The following CDIPT variants were observed in gnomAD, a reference collection of about 807,000 sequenced individuals.
The protein encoded by CDIPT is CDP-diacylglycerol--inositol 3-phosphatidyltransferase.
A neutral mutation model predicts 21.6 loss-of-function variants in CDIPT; 17 were observed. The observed-to-expected ratio is 0.79, with a 90% CI of 0.54 to 1.18. The LOEUF (loss-of-function observed/expected upper bound fraction) is 1.18, where lower values mean the gene tolerates loss of function less well. Among genes scored for constraint, CDIPT ranks in the 50% most tolerant of loss-of-function variants. CDIPT has a pLI of 0.00. For missense variants in CDIPT, 254 were observed against 284.9 expected, an observed-to-expected ratio of 0.89 and a Z score of 0.78; for synonymous variants, 119 against 117.9, an observed-to-expected ratio of 1.01 and a Z score of -0.06.
At chr16:29,861,774 C>T in intron 2 of CDIPT, 1 of 412,412 alleles carries the variant, frequency 2.4e-6, no homozygotes, top group South Asian at 2.7e-5. Flanking sequence ...TGCTCTGTCG[C>T]CCAGGCTGGA....
chr16:29,862,510 T>A lies in CDIPT; in HGVS notation c.178+76A>T. The A allele has an allele frequency of 6.9e-7, 1 of 1,449,772 alleles. No homozygotes were observed. The highest frequency in any genetic ancestry group is 9.4e-7 in the Non-Finnish European group (1 of 1,059,912). The allele number at this position is 1,449,772 out of a possible 1,614,324, so 89.8% of individuals were successfully genotyped here. A position where few individuals can be genotyped will look rare whatever the true frequency, so the allele number is the denominator to read the frequency against. On this transcript the variant is annotated intron_variant, in intron 2 of 5. Coordinates refer to ENST00000219789, the MANE Select transcript of CDIPT (RefSeq NM_006319.5). The surrounding 1 kb of genome is among the most constrained non-coding windows in gnomAD (Gnocchi z 6.7). Reference sequence around the variant, plus strand: ...GATGGGAATGACAGCCCTCTGACTCTGAGGTCCCGAGGAGGCAGGGGAAGG... The same window carrying A: ...GATGGGAATGACAGCCCTCTGACTCAGAGGTCCCGAGGAGGCAGGGGAAGG...
Position 29,860,569 on chromosome 16 carries a change from G to A in CDIPT, c.414+12C>T. 1 of 1,576,404 alleles carries A rather than the reference G, an allele frequency of 6.3e-7. No homozygotes were observed. The highest frequency in any genetic ancestry group is 8.7e-7 in the Non-Finnish European group (1 of 1,146,060). On this transcript the variant is annotated intron_variant, in intron 4 of 5. Coordinates refer to ENST00000219789, the MANE Select transcript of CDIPT (RefSeq NM_006319.5). The stretch of plus-strand genomic sequence containing the variant: ...AAGAGCCTGAGGGGTGGGGTGTGCA[G>A]GAAATGCTTACCCTCGAGGTGTAGT...
At chr16:29,861,662 G>C (rs2067683840) in intron 2 of CDIPT, 2 of 636,612 alleles carry the variant, frequency 3.1e-6, no homozygotes, top group Non-Finnish European at 5.4e-6. Flanking sequence ...ATGCCTTCTG[G>C]AACCCCAACT....
chr16:29,861,853 C>T (rs2067685767), intron 2 of CDIPT, among the ~76,000 whole-genome samples: 1 of 152,060 alleles, frequency 6.6e-6, no homozygotes, highest in Non-Finnish European at 1.5e-5. Context: ...CCTGCCTTAG[C>T]CTCCCGAGTA....
At position 29,859,435 on chromosome 16, in the gene CDIPT, C is replaced by T; in HGVS notation, c.496+7G>A. The T allele has an allele frequency of 6.2e-7, 1 of 1,611,326 alleles. No homozygotes were observed. The highest frequency in any genetic ancestry group is 8.5e-7 in the Non-Finnish European group (1 of 1,178,066). ...CCCATCCTCCTGCCCAGCCCCTCATCTCCTACCTAAAGGTCCCTCAGAGAA... is the reference window on the plus strand; with the variant it reads ...CCCATCCTCCTGCCCAGCCCCTCATTTCCTACCTAAAGGTCCCTCAGAGAA... On this transcript the variant is annotated splice_region_variant and intron_variant, in intron 5 of 5. Transcript: ENST00000219789. This position sits in a 1 kb window ranked among gnomAD's most constrained non-coding sequence, Gnocchi z 4.5.
At position 29,859,523 on chromosome 16, in the gene CDIPT, G is replaced by A; in HGVS notation, c.415C>T (p.Pro139Ser). ...PVLRIYYTSR[P>S]ALFTLCAGNE... ...CCAGCACACAAGGTGAACAGAGCAG[G>A]CTGCACACACAGCAAACAGGCCACG... Residue 139 changes from proline (P) to serine (S), a missense_variant and splice_region_variant, in exon 5 of 6, where the codon CCT becomes TCT. Pro to Ser is a moderately conservative substitution (Grantham distance 74). Transcript: ENST00000219789. The surrounding 1 kb of genome is among the most constrained non-coding windows in gnomAD (Gnocchi z 4.5). The A allele has an allele frequency of 1.2e-6, 2 of 1,611,460 alleles. No homozygotes were observed. The highest frequency in any genetic ancestry group is 1.7e-6 in the Non-Finnish European group (2 of 1,178,016).
At chr16:29,860,781 C>A in intron 3 of CDIPT, 119 bp from the exon 4 acceptor site, 1 of 691,684 alleles carries the variant, frequency 1.4e-6, no homozygotes. Flanking sequence ...CAGTATCCTG[C>A]CGAAAGCCAC....
chr16:29,861,744 T>TG lies in CDIPT; in HGVS notation c.179-486_179-485insC, dbSNP rs377690673. ...ACACTGTTTTTTGTTTTTTGTTTTTTTTTTTCCGAGACAGAGTCTTGCTCT... is the reference window on the plus strand; with the variant it reads ...ACACTGTTTTTTGTTTTTTGTTTTTTGTTTTTCCGAGACAGAGTCTTGCTCT... On this transcript the variant is annotated intron_variant, in intron 2 of 5. Transcript: ENST00000219789. The TG allele has an allele frequency of 4.3e-5, 22 of 515,418 alleles. No individual in the cohort carries two copies. In the Admixed American group the frequency reaches 7.3e-4, roughly 17 times the overall value. 31.9% of individuals were successfully genotyped at this position (515,418 alleles called of 1,614,324 possible).
rs1338611215 is a variant in CDIPT, at chr16:29,861,220, C to T, written c.218G>A (p.Arg73His). Residue 73 changes from arginine to histidine, a missense_variant, in exon 3 of 6, where the codon CGC becomes CAC. Transcript: ENST00000219789. ...GACCAACAGGCACATGGTGGAGCAGCGGTCCGTCAGCATGTCCAGCATGGC... is the reference window on the plus strand; with the variant it reads ...GACCAACAGGCACATGGTGGAGCAGTGGTCCGTCAGCATGTCCAGCATGGC... Reference protein sequence around the residue: ...FGAMLDMLTDRCSTMCLLVNL... With the variant: ...FGAMLDMLTDHCSTMCLLVNL... 7 of 1,614,042 alleles carry T rather than the reference C, an allele frequency of 4.3e-6. No individual in the cohort carries two copies. Among genetic ancestry groups the T allele is most frequent in the East Asian group, 2.2e-5 (1 of 44,896 alleles).
chr16:29,862,140 T>C lies in CDIPT; in HGVS notation c.178+446A>G, dbSNP rs1389437728. On this transcript the variant is annotated intron_variant, in intron 2 of 5. Coordinates refer to ENST00000219789, the MANE Select transcript of CDIPT (RefSeq NM_006319.5). This position sits in a 1 kb window ranked among gnomAD's most constrained non-coding sequence, Gnocchi z 6.7. Reference sequence around the variant, plus strand: ...GTTCTCAAGAGCTAGCTTAAATTCCTTTTGCTACAAAATCAGTCCATTCTT... The same window carrying C: ...GTTCTCAAGAGCTAGCTTAAATTCCCTTTGCTACAAAATCAGTCCATTCTT... Among the ~76,000 whole-genome samples, 1 of 152,212 alleles carries C rather than the reference T, an allele frequency of 6.6e-6. No homozygotes were observed. Among genetic ancestry groups the C allele is most frequent in the Non-Finnish European group, 1.5e-5 (1 of 68,038 alleles).
intron 4 of CDIPT, 127 bp downstream of exon 4, chr16:29,860,454 C>T: frequency 1.5e-6 from 1 of 656,180 alleles, no homozygotes; most frequent in East Asian, 2.7e-5. Flanking sequence ...CTTACGGGCC[C>T]TCCTCCTGGA....
At chr16:29,861,721 ACT>A in intron 2 of CDIPT, 2 of 560,322 alleles carry the variant, frequency 3.6e-6, no homozygotes. Flanking sequence ...TGTTGAATAC[ACT>A]GTTTTTTGTT....
At chr16:29,861,730 T>C (rs1379814889) in intron 2 of CDIPT, 2 of 551,860 alleles carry the variant, frequency 3.6e-6, no homozygotes, top group East Asian at 3.0e-5. Flanking sequence ...CACTGTTTTT[T>C]GTTTTTTGTT....
intron 2 of CDIPT, 195 bp from the exon 3 acceptor site, chr16:29,861,454 G>T (rs765151542): frequency 1.3e-6 from 2 of 1,537,536 alleles, no homozygotes; most frequent in South Asian, 1.2e-5. Context: ...ACTGAGAAAG[G>T]CATGAGAGTG....
In CDIPT at chr16:29,863,174, ACCT is replaced by A; in HGVS notation, c.-320_-318del. ...CTCCAGCTGCGCGTGGCTTCCGGGA[ACCT>A]CCTCCTCCGCGCCCGTCGTTGCAAA... On this transcript the variant is annotated 5_prime_UTR_variant, in exon 1 of 6. Transcript: ENST00000219789. 1 of 417,860 alleles carries A rather than the reference ACCT, an allele frequency of 2.4e-6. No individual in the cohort carries two copies. The highest frequency in any genetic ancestry group is 4.3e-6 in the Non-Finnish European group (1 of 232,462). 25.9% of individuals were successfully genotyped at this position (417,860 alleles called of 1,614,324 possible).
chr16:29,858,623 TG>T lies in CDIPT; in HGVS notation c.*565del, dbSNP rs2067651747. 6.5e-6 allele frequency: 1 copy of T among 154,544 alleles called. No homozygotes were observed. The highest frequency in any genetic ancestry group is 6.3e-5 in the Admixed American group (1 of 15,926). The allele number at this position is 154,544 out of a possible 1,614,324, so 9.6% of individuals were successfully genotyped here. A position where few individuals can be genotyped will look rare whatever the true frequency, so the allele number is the denominator to read the frequency against. On this transcript the variant is annotated 3_prime_UTR_variant, in exon 6 of 6. Coordinates refer to ENST00000219789, the MANE Select transcript of CDIPT (RefSeq NM_006319.5). Reference sequence around the variant, plus strand: ...TAGACGGAGAAGCCAGCCAGCAAACTGGAGGAAAAGCACCCAGACGGACGTC... The same window carrying T: ...TAGACGGAGAAGCCAGCCAGCAAACTGAGGAAAAGCACCCAGACGGACGTC...
Position 29,860,461 on chromosome 16 carries a change from T to G in CDIPT, c.414+120A>C, listed in dbSNP as rs942343405. 9.2e-5 allele frequency: 63 copies of G among 682,450 alleles called. No homozygotes were observed. In the East Asian group the frequency reaches 1.7e-3, roughly 18 times the overall value. The allele number at this position is 682,450 out of a possible 1,614,324, so 42.3% of individuals were successfully genotyped here. ...CGCCTCAGCTTACGGGCCCTCCTCC[T>G]GGAGTGACTGGGCAGGCCCTGCTCT... On this transcript the variant is annotated intron_variant, in intron 4 of 5. Coordinates refer to ENST00000219789, the MANE Select transcript of CDIPT (RefSeq NM_006319.5).
chr16:29,861,549 G>C, intron 2 of CDIPT: 2 of 1,510,048 alleles, frequency 1.3e-6, no homozygotes, highest in Admixed American at 2.0e-5. Flanking sequence ...ATAGAGACTT[G>C]ATGCCTCAGG....
chr16:29,860,045 G>A lies in CDIPT; in HGVS notation c.415-522C>T, dbSNP rs1279190165. On this transcript the variant is annotated intron_variant, in intron 4 of 5. Coordinates refer to ENST00000219789, the MANE Select transcript of CDIPT (RefSeq NM_006319.5). Reference sequence around the variant, plus strand: ...TAAATAAATAAACCCTTGGTCTCACGCAATCCTTCCACCTTAGCCTCCTAA... The same window carrying A: ...TAAATAAATAAACCCTTGGTCTCACACAATCCTTCCACCTTAGCCTCCTAA... Among the ~76,000 whole-genome samples the A allele has an allele frequency of 5.3e-5, 8 of 151,984 alleles. 1 individual carries two copies. The highest frequency in any genetic ancestry group is 1.9e-4 in the African/African-American group (8 of 41,364).
Sources: gnomAD v4.1 joint callset for allele counts (sites outside exome capture counted in the v4.1 genomes callset) on GRCh38, gnomAD v4.1.1 for gene constraint, Gnocchi (gnomAD v3.1) non-coding constraint, MANE v1.5 for transcripts, NCBI Gene and HGNC (gene_info 2026-07-23, HGNC 2026-07-21) for gene names.